ZMIZ1: variants seen among roughly 807,000 people sequenced by gnomAD.
ZMIZ1 encodes the protein zinc finger MIZ-type containing 1, also known as zinc finger MIZ domain-containing protein 1.
In ZMIZ1, 17 loss-of-function variants were observed where a neutral mutation model predicts 113.9. The ratio of observed to expected loss-of-function variants is 0.15; its 90% CI spans 0.10 to 0.22. ZMIZ1 has a LOEUF of 0.22. Ranked by LOEUF, ZMIZ1 falls within the 10% of genes least tolerant of loss-of-function variation. The pLI is 1.00. For missense variants in ZMIZ1, 1,059 were observed against 1,477.8 expected, an observed-to-expected ratio of 0.72 and a Z score of 4.65; for synonymous variants, 607 against 603.1, an observed-to-expected ratio of 1.01 and a Z score of -0.09.
At chr10:79,255,129 T>C (rs1019642610) in intron 7 of ZMIZ1, among the ~76,000 whole-genome samples, 1 of 152,192 alleles carries the variant, frequency 6.6e-6, no homozygotes. Flanking sequence ...TTCGGGTTTC[T>C]GCCTGCCAGG....
chr10:79,127,061 T>A (rs938970684), intron 2 of ZMIZ1, among the ~76,000 whole-genome samples: 1 of 152,192 alleles, frequency 6.6e-6, no homozygotes, highest in Non-Finnish European at 1.5e-5. Context: ...TCCCTTCTCT[T>A]TGCTGTGACC....
Position 79,201,556 on chromosome 10 carries a change from AGT to A in ZMIZ1, c.-49-26_-49-25del, listed in dbSNP as rs1188614176. The A allele has an allele frequency of 2.2e-4, 347 of 1,553,736 alleles. No homozygotes were observed. In the East Asian group the frequency reaches 3.6e-3, roughly 16 times the overall value. ...AAGGTTGGCAGGCCTGGCGTGATCC[AGT>A]GACAACCTCTCCTTTCTCTTCGCAG... is the stretch of plus-strand genomic sequence containing the variant. On this transcript the variant is annotated intron_variant, in intron 4 of 24. Transcript: ENST00000334512.
At chr10:79,284,693 T>G (rs1488763840) in intron 8 of ZMIZ1, among the ~76,000 whole-genome samples, 2 of 152,162 alleles carry the variant, frequency 1.3e-5, no homozygotes, top group African/African-American at 4.8e-5. Flanking sequence ...TGAGGCTGAC[T>G]GAAAGTAACA....
chr10:79,243,055 G>T (rs1379149270), intron 7 of ZMIZ1, among the ~76,000 whole-genome samples: 1 of 151,470 alleles, frequency 6.6e-6, no homozygotes, highest in Non-Finnish European at 1.5e-5. Context: ...GGGGCTCCCT[G>T]GAGACGCCAA....
intron 7 of ZMIZ1, among the ~76,000 whole-genome samples, chr10:79,240,636 A>ATTTTTTTT (rs1589466733): frequency 6.4e-5 from 5 of 78,524 alleles, no homozygotes; most frequent in African/African-American, 3.4e-4. Flanking sequence ...AAGAGTATTT[A>ATTTTTTTT]TCTTTTTTTT....
At chr10:79,093,151 CA>C in intron 1 of ZMIZ1, among the ~76,000 whole-genome samples, 1 of 137,540 alleles carries the variant, frequency 7.3e-6, no homozygotes, top group Non-Finnish European at 1.6e-5. Flanking sequence ...CACACACACA[CA>C]CACACACACA....
At chr10:79,180,241 A>C (rs150115706) in intron 4 of ZMIZ1, among the ~76,000 whole-genome samples, 164 of 152,222 alleles carry the variant, frequency 1.1e-3, no homozygotes, top group African/African-American at 3.9e-3. Context: ...ACACCCAAGC[A>C]CACCCGTGAC....
intron 1 of ZMIZ1, among the ~76,000 whole-genome samples, chr10:79,081,816 A>G (rs1842669347): frequency 1.3e-5 from 2 of 152,238 alleles, no homozygotes; most frequent in Non-Finnish European, 2.9e-5. Context: ...TCCAAGGGGA[A>G]GGCCAGCACG....
intron 7 of ZMIZ1, among the ~76,000 whole-genome samples, chr10:79,219,915 A>G (rs1439788976): frequency 6.6e-6 from 1 of 152,032 alleles, no homozygotes; most frequent in East Asian, 1.9e-4. Context: ...GGCTCTCGGG[A>G]TCCCAGCCAC....
intron 7 of ZMIZ1, among the ~76,000 whole-genome samples, chr10:79,252,441 C>A (rs1227798436): frequency 6.6e-6 from 1 of 152,092 alleles, no homozygotes; most frequent in African/African-American, 2.4e-5. Flanking sequence ...AGTGTGTAGT[C>A]CACCACACCC....
intron 2 of ZMIZ1, among the ~76,000 whole-genome samples, chr10:79,130,320 G>T (rs1844702151): frequency 1.3e-5 from 2 of 152,166 alleles, no homozygotes; most frequent in Non-Finnish European, 2.9e-5. Context: ...CAGCCTTCTT[G>T]TGCCCTCCAC....
intron 1 of ZMIZ1, among the ~76,000 whole-genome samples, chr10:79,103,148 A>AGGTGGT (rs1843426713): frequency 6.6e-6 from 1 of 152,074 alleles, no homozygotes; most frequent in Non-Finnish European, 1.5e-5. Flanking sequence ...CAGCCACTGT[A>AGGTGGT]GGTGGAGGAG....
chr10:79,165,960 G>GGGCTCTTCC (rs1554860915), intron 4 of ZMIZ1, among the ~76,000 whole-genome samples: 1 of 47,032 alleles, frequency 2.1e-5, no homozygotes, highest in African/African-American at 1.0e-4. Flanking sequence ...GTGTGTGTGT[G>GGGCTCTTCC]TGTGTGTGTG....
chr10:79,110,560 T>A (rs1279899316), intron 1 of ZMIZ1, among the ~76,000 whole-genome samples: 1 of 152,204 alleles, frequency 6.6e-6, no homozygotes, highest in African/African-American at 2.4e-5. Context: ...AGGTAGTTGG[T>A]ACTGATGTTG....
At chr10:79,093,604 G>A (rs952802263) in intron 1 of ZMIZ1, among the ~76,000 whole-genome samples, 5 of 152,176 alleles carry the variant, frequency 3.3e-5, no homozygotes, top group Non-Finnish European at 7.3e-5. Context: ...TAGGATGAGA[G>A]GTGTGAGCCA....
chr10:79,251,793 T>C (rs543011843), intron 7 of ZMIZ1, among the ~76,000 whole-genome samples: 3 of 152,242 alleles, frequency 2.0e-5, no homozygotes, highest in African/African-American at 7.2e-5. Context: ...AGCAACAGGC[T>C]CAGAAAGTTA....
At chr10:79,264,050 AG>A (rs1426307377) in intron 7 of ZMIZ1, among the ~76,000 whole-genome samples, 1 of 152,184 alleles carries the variant, frequency 6.6e-6, no homozygotes, top group Non-Finnish European at 1.5e-5. Context: ...TTTAGCCCCG[AG>A]GAAAAATTAC....
At chr10:79,181,268 C>A (rs1002599602) in intron 4 of ZMIZ1, among the ~76,000 whole-genome samples, 1 of 152,198 alleles carries the variant, frequency 6.6e-6, no homozygotes, top group South Asian at 2.1e-4. Context: ...TTCTCTTCTC[C>A]AAGCCTTAGT....
intron 6 of ZMIZ1, among the ~76,000 whole-genome samples, chr10:79,212,784 G>T (rs1164716423): frequency 6.6e-6 from 1 of 151,488 alleles, no homozygotes; most frequent in Non-Finnish European, 1.5e-5. Context: ...AAAAAAATTT[G>T]TGTACAGATG....
Sources: allele counts gnomAD v4.1 joint callset (sites outside exome capture counted in the v4.1 genomes callset), GRCh38; gene constraint gnomAD v4.1.1; transcripts MANE v1.5; gene names NCBI Gene and HGNC (gene_info 2026-07-23, HGNC 2026-07-21).